TMEM108: variants seen among roughly 807,000 people sequenced by gnomAD.
The protein encoded by TMEM108 is cancer/testis antigen 124.
TMEM108 carries 12 observed loss-of-function variants against 35.1 expected under a neutral mutation model. The observed-to-expected ratio is 0.34, with a 90% CI of 0.22 to 0.55. The LOEUF is 0.55. Ranked by LOEUF, TMEM108 falls within the 20% of genes least tolerant of loss-of-function variation. The pLI is 0.89. For missense variants in TMEM108, 680 were observed against 753.3 expected (o/e 0.90, Z 1.14); for synonymous variants, 287 against 308.6 (o/e 0.93, Z 0.73).
intron 2 of TMEM108, among the ~76,000 whole-genome samples, chr3:133,072,039 G>A (rs987795821): frequency 9.9e-5 from 15 of 152,136 alleles, no homozygotes; most frequent in African/African-American, 3.4e-4. Context: ...TTTGCATGTG[G>A]ATGTCCAGTT....
At chr3:133,363,416 A>ATTT (rs60751474) in intron 3 of TMEM108, among the ~76,000 whole-genome samples, 2 of 146,116 alleles carry the variant, frequency 1.4e-5, no homozygotes, top group African/African-American at 5.1e-5. Flanking sequence ...GCTTTTCATT[A>ATTT]TTTTTTTTTT....
In TMEM108 at chr3:133,275,520, A is replaced by G. The variant is rs560495538; in HGVS notation, c.40+46169A>G. ...GTTTGGCCACATGTGGCTGATGGCT[A>G]CTGTATTGGATAATGCAGCCTGGAC... On this transcript the variant is annotated intron_variant, in intron 3 of 5. Coordinates refer to ENST00000321871, the MANE Select transcript of TMEM108 (RefSeq NM_023943.4). Among the ~76,000 whole-genome samples the G allele has an allele frequency of 4.6e-5, 7 of 152,352 alleles. No homozygotes were observed. The East Asian group carries it at 1.2e-3, about 25-fold the overall frequency.
chr3:133,053,089 T>A (rs1943426410), intron 2 of TMEM108, among the ~76,000 whole-genome samples: 1 of 152,140 alleles, frequency 6.6e-6, no homozygotes, highest in Non-Finnish European at 1.5e-5. Context: ...CCAATATTAT[T>A]CTATTGGGAT....
intron 3 of TMEM108, among the ~76,000 whole-genome samples, chr3:133,261,725 A>C (rs891262577): frequency 2.6e-5 from 4 of 152,260 alleles, no homozygotes; most frequent in Non-Finnish European, 1.5e-5. Context: ...ATGAAGCCAT[A>C]AATCAAGAAG....
chr3:133,044,605 C>T (rs1357038786), intron 1 of TMEM108, among the ~76,000 whole-genome samples: 1 of 152,202 alleles, frequency 6.6e-6, no homozygotes, highest in Non-Finnish European at 1.5e-5. Flanking sequence ...CACCCATGAC[C>T]TAACAAACCC....
In TMEM108 at chr3:133,162,398, A is replaced by G. The variant is rs541127766; in HGVS notation, c.-46-66868A>G. Among the ~76,000 whole-genome samples, 4 of 152,326 alleles carry G rather than the reference A, an allele frequency of 2.6e-5. No individual in the cohort carries two copies. In the South Asian group the frequency reaches 8.3e-4, roughly 32 times the overall value. On this transcript the variant is annotated intron_variant, in intron 2 of 5. Transcript: ENST00000321871. ...TATTAGAGACAAGGAAAAGAACATG[A>G]TACTAGTCAGCCTGAGTGAGCAGAC...
intron 2 of TMEM108, among the ~76,000 whole-genome samples, chr3:133,188,637 T>C (rs1945455921): frequency 6.6e-6 from 1 of 152,182 alleles, no homozygotes; most frequent in South Asian, 2.1e-4. Flanking sequence ...CAGGACACTA[T>C]TGGCTTCCTA....
intron 3 of TMEM108, among the ~76,000 whole-genome samples, chr3:133,301,008 A>G (rs1471574971): frequency 3.0e-5 from 2 of 66,076 alleles, no homozygotes; most frequent in African/African-American, 8.2e-5. Context: ...ACACACACAC[A>G]CACACACACA....
intron 2 of TMEM108, among the ~76,000 whole-genome samples, chr3:133,181,087 C>A (rs565606832): frequency 7.1e-6 from 1 of 141,212 alleles, no homozygotes; most frequent in African/African-American, 2.6e-5. Context: ...AATAAGAGAC[C>A]TTTTCTCAAT....
chr3:133,237,437 G>T (rs1198856043), intron 3 of TMEM108, among the ~76,000 whole-genome samples: 1 of 152,150 alleles, frequency 6.6e-6, no homozygotes, highest in Non-Finnish European at 1.5e-5. Flanking sequence ...TCTGTTTATT[G>T]TCCTATTCTC....
intron 2 of TMEM108, among the ~76,000 whole-genome samples, chr3:133,099,327 A>G (rs1431476917): frequency 2.0e-5 from 3 of 152,186 alleles, no homozygotes; most frequent in African/African-American, 4.8e-5. Context: ...GGCCTGACCC[A>G]CAAAACCACT....
chr3:133,236,404 C>G (rs1168828621), intron 3 of TMEM108, among the ~76,000 whole-genome samples: 2 of 152,036 alleles, frequency 1.3e-5, no homozygotes, highest in Non-Finnish European at 2.9e-5. Flanking sequence ...AAATACACCC[C>G]CTTTTCTGCC....
chr3:133,390,194 G>T lies in TMEM108; in HGVS notation c.1465G>T (p.Val489Leu), dbSNP rs2073213668. The T allele has an allele frequency of 6.2e-7, 1 of 1,614,026 alleles. No individual in the cohort carries two copies. The highest frequency in any genetic ancestry group is 8.5e-7 in the Non-Finnish European group (1 of 1,180,026). Residue 489 changes from valine to leucine, a missense_variant, in exon 5 of 6, where the codon GTG (valine) becomes TTG (leucine). By Grantham distance (32) the Val-to-Leu change is conservative. Around this residue, in one of 3 missense-constraint regions of TMEM108, gnomAD observed 105 missense variants for 150.7 expected, o/e 0.70. Transcript: ENST00000321871. Reference sequence around the variant, plus strand: ...TCTCTCCATAGCTGTCCTGCTGACGGTGTGCTGCATGAAGAGGAAGAAGAA... The same window carrying T: ...TCTCTCCATAGCTGTCCTGCTGACGTTGTGCTGCATGAAGAGGAAGAAGAA... ...PISSCSVLLT[V>L]CCMKRKKKTA...
chr3:133,183,264 T>G (rs1945373754), intron 2 of TMEM108, among the ~76,000 whole-genome samples: 2 of 152,244 alleles, frequency 1.3e-5, no homozygotes, highest in African/African-American at 2.4e-5. Flanking sequence ...ACAATAAATG[T>G]GTTTTCATAA....
At chr3:133,387,868 A>G in intron 4 of TMEM108, 1 of 985,446 alleles carries the variant, frequency 1.0e-6, no homozygotes, top group Non-Finnish European at 1.2e-6. Context: ...TAGGCCTAAG[A>G]TGGCATCTGT....
intron 3 of TMEM108, among the ~76,000 whole-genome samples, chr3:133,354,602 A>G (rs1321908215): frequency 1.1e-4 from 17 of 152,286 alleles, no homozygotes; most frequent in Admixed American, 9.1e-4. Flanking sequence ...CTTATCCTTG[A>G]GCAGGAGAAG....
chr3:133,098,355 C>T (rs1270034424), intron 2 of TMEM108, among the ~76,000 whole-genome samples: 1 of 152,184 alleles, frequency 6.6e-6, no homozygotes, highest in Non-Finnish European at 1.5e-5. Context: ...CGGGGTCCCT[C>T]CCACAACACA....
At chr3:133,383,100 A>G (rs966758124) in intron 4 of TMEM108, among the ~76,000 whole-genome samples, 1 of 152,244 alleles carries the variant, frequency 6.6e-6, no homozygotes, top group Non-Finnish European at 1.5e-5. Context: ...CTATTAGCCA[A>G]TGAATTCTTA....
intron 2 of TMEM108, among the ~76,000 whole-genome samples, chr3:133,204,383 T>A (rs1945719425): frequency 6.6e-6 from 1 of 152,172 alleles, no homozygotes; most frequent in African/African-American, 2.4e-5. Context: ...GTTCTTTTAA[T>A]TGTGATGATA....
Sources: allele counts gnomAD v4.1 joint callset (sites outside exome capture counted in the v4.1 genomes callset), GRCh38; gene constraint gnomAD v4.1.1; regional missense constraint gnomAD v4.1.1; transcripts MANE v1.5; gene names NCBI Gene and HGNC (gene_info 2026-07-23, HGNC 2026-07-21).